Variants in IQGAP2 observed in about 807,000 individuals in gnomAD.
The protein encoded by IQGAP2 is ras GTPase-activating-like protein IQGAP2.
IQGAP2 carries 173 observed loss-of-function variants against 201.3 expected under a neutral mutation model. That is an observed-to-expected ratio of 0.86 (90% confidence interval 0.76 to 0.98). The LOEUF (loss-of-function observed/expected upper bound fraction) is 0.98. IQGAP2 is among the 50% of genes least tolerant of loss of function. IQGAP2 has a pLI of 0.00. For missense variants in IQGAP2, 1,687 were observed against 1,864.8 expected (o/e 0.90, Z 1.76); for synonymous variants, 675 against 673.9 (o/e 1.00, Z -0.03).
intron 2 of IQGAP2, among the ~76,000 whole-genome samples, chr5:76,507,567 GT>G (rs1374128186): frequency 6.6e-6 from 1 of 152,078 alleles, no homozygotes; most frequent in Non-Finnish European, 1.5e-5. Flanking sequence ...AAAAATTTCC[GT>G]TCTGTGAAAG....
At chr5:76,465,532 G>T (rs1049788100) in intron 2 of IQGAP2, among the ~76,000 whole-genome samples, 2 of 152,284 alleles carry the variant, frequency 1.3e-5, no homozygotes, top group South Asian at 4.2e-4. Context: ...TAGCCAGGCA[G>T]TTAGGCAAGA....
At chr5:76,665,715 G>A (rs1484372341) in intron 22 of IQGAP2, among the ~76,000 whole-genome samples, 1 of 152,160 alleles carries the variant, frequency 6.6e-6, no homozygotes, top group Non-Finnish European at 1.5e-5. Context: ...TGATCTAAAT[G>A]AATAGTAATT....
chr5:76,653,535 T>G (rs752570975), intron 18 of IQGAP2, among the ~76,000 whole-genome samples: 4 of 152,160 alleles, frequency 2.6e-5, no homozygotes, highest in Non-Finnish European at 5.9e-5. Flanking sequence ...GGTGGGAGGA[T>G]AGCTTGAGCC....
intron 1 of IQGAP2, among the ~76,000 whole-genome samples, chr5:76,442,081 T>A (rs7718320): frequency 0.85 from 128,964 of 152,164 alleles, 55,159 homozygotes; most frequent in Non-Finnish European, 0.9. Context: ...AAGTAGCTGA[T>A]TTCTTATCTA....
chr5:76,573,505 T>C lies in IQGAP2; in HGVS notation c.382-2188T>C, dbSNP rs186716551. 2.4e-3 allele frequency among the ~76,000 whole-genome samples: 371 copies of C among 152,388 alleles called. 2 individuals are homozygous for C. The highest frequency in any genetic ancestry group is 8.7e-3 in the African/African-American group (361 of 41,596). On this transcript the variant is annotated intron_variant, in intron 4 of 35. Transcript: ENST00000274364. ...CCTTGCTGAAGGAAGTCATTTATAA[T>C]GGCTTTCCAGGAGAAATATAAATAT...
intron 1 of IQGAP2, among the ~76,000 whole-genome samples, chr5:76,442,383 T>G (rs2150105688): frequency 6.6e-6 from 1 of 152,320 alleles, no homozygotes; most frequent in African/African-American, 2.4e-5. Context: ...GATTATAACA[T>G]TTTTAGGCTT....
intron 30 of IQGAP2, among the ~76,000 whole-genome samples, chr5:76,686,342 TG>T (rs759167615): frequency 0.023 from 2,388 of 101,824 alleles, 65 homozygotes; most frequent in African/African-American, 0.092. Flanking sequence ...CTGTTTTTTT[TG>T]TTGTTGTTGT....
intron 13 of IQGAP2, chr5:76,623,113 T>G: frequency 6.4e-7 from 1 of 1,563,170 alleles, no homozygotes; most frequent in Non-Finnish European, 8.8e-7. Flanking sequence ...AGTTGACTCT[T>G]AATTTGTAAC....
At chr5:76,498,795 C>T (rs999960817) in intron 2 of IQGAP2, among the ~76,000 whole-genome samples, 2 of 152,162 alleles carry the variant, frequency 1.3e-5, no homozygotes, top group African/African-American at 4.8e-5. Flanking sequence ...GAGTATCTGG[C>T]ATTCTAGGCC....
chr5:76,647,609 C>G (rs1471008100), intron 17 of IQGAP2, among the ~76,000 whole-genome samples: 2 of 152,116 alleles, frequency 1.3e-5, no homozygotes, highest in Admixed American at 1.3e-4. Flanking sequence ...TTGCCTTCCA[C>G]CATGATTGTG....
chr5:76,703,653 C>CAAA lies in IQGAP2; in HGVS notation c.4614+1076_4614+1078dup, dbSNP rs60408771. Among the ~76,000 whole-genome samples, 126 of 135,714 alleles carry CAAA rather than the reference C, an allele frequency of 9.3e-4. 2 individuals are homozygous for CAAA. The highest frequency in any genetic ancestry group is 3.2e-3 in the African/African-American group (117 of 36,730). 89.0% of individuals were successfully genotyped at this position (135,714 alleles called of 152,430 possible). A position where few individuals can be genotyped will look rare whatever the true frequency, so the allele number is the denominator to read the frequency against. ...AAAACCGAGAAATCCAGTTTCTGTG[C>CAAA]AAAAAAAAAAAAAAAGAGAGCACTG... On this transcript the variant is annotated intron_variant, in intron 35 of 35. Coordinates refer to ENST00000274364, the MANE Select transcript of IQGAP2 (RefSeq NM_006633.5).
intron 2 of IQGAP2, among the ~76,000 whole-genome samples, chr5:76,523,916 G>A (rs1022504238): frequency 3.9e-5 from 6 of 152,032 alleles, no homozygotes; most frequent in Non-Finnish European, 8.8e-5. Flanking sequence ...CTTTATTTAC[G>A]TACATTTTGA....
chr5:76,443,754 A>G (rs1240186179), intron 1 of IQGAP2, among the ~76,000 whole-genome samples: 1 of 152,202 alleles, frequency 6.6e-6, no homozygotes, highest in African/African-American at 2.4e-5. Flanking sequence ...AAACATATCC[A>G]GGGTTTTGTC....
intron 15 of IQGAP2, among the ~76,000 whole-genome samples, chr5:76,632,482 C>A (rs1028589858): frequency 1.3e-5 from 2 of 152,142 alleles, no homozygotes; most frequent in Non-Finnish European, 1.5e-5. Context: ...GTTATGCCTA[C>A]TCAATCCAAT....
Position 76,421,605 on chromosome 5 carries a change from A to G in IQGAP2, c.46+18014A>G, listed in dbSNP as rs563377588. Among the ~76,000 whole-genome samples the G allele has an allele frequency of 8.6e-5, 13 of 151,918 alleles. No individual in the cohort carries two copies. The South Asian group carries it at 2.7e-3, about 31-fold the overall frequency. ...GCACTCCAGCCTGGGTGACAGAGTG[A>G]GACCCTGTCTCATAAAAAAAATAGG... On this transcript the variant is annotated intron_variant, in intron 1 of 35. Transcript: ENST00000274364.
At chr5:76,406,026 C>T (rs895794223) in intron 1 of IQGAP2, among the ~76,000 whole-genome samples, 1 of 152,190 alleles carries the variant, frequency 6.6e-6, no homozygotes, top group Non-Finnish European at 1.5e-5. Context: ...ATTAAGTTGT[C>T]TATTGCTTAT....
chr5:76,528,473 T>C (rs573367966), intron 2 of IQGAP2, among the ~76,000 whole-genome samples: 2 of 152,322 alleles, frequency 1.3e-5, no homozygotes, highest in South Asian at 4.1e-4. Flanking sequence ...TAGGAGGAGA[T>C]GGACCCTTGA....
chr5:76,469,983 T>G (rs189161041), intron 2 of IQGAP2, among the ~76,000 whole-genome samples: 14 of 152,298 alleles, frequency 9.2e-5, no homozygotes, highest in Non-Finnish European at 8.8e-5. Flanking sequence ...TGTCATTGCT[T>G]AACTGGGTCC....
intron 32 of IQGAP2, 123 bp downstream of exon 32, chr5:76,695,789 C>A: frequency 1.5e-6 from 1 of 680,230 alleles, no homozygotes. Context: ...TGGTTACTGC[C>A]CTCTTCAATG....
Sources: gnomAD v4.1 joint callset for allele counts (sites outside exome capture counted in the v4.1 genomes callset) on GRCh38, gnomAD v4.1.1 for gene constraint, MANE v1.5 for transcripts, NCBI Gene and HGNC (gene_info 2026-07-23, HGNC 2026-07-21) for gene names.